The following SCAPER variants were observed in gnomAD, a reference collection of about 807,000 sequenced individuals.
SCAPER encodes S phase cyclin A-associated protein in the endoplasmic reticulum.
Under a neutral mutation model 182.2 loss-of-function variants are expected in SCAPER, and 98 were observed. That is an observed-to-expected ratio of 0.54 (90% CI 0.46 to 0.64). The LOEUF (loss-of-function observed/expected upper bound fraction) is 0.64, where lower values mean the gene tolerates loss of function less well. SCAPER is among the 30% of genes least tolerant of loss of function. SCAPER has a pLI of 0.00. For missense variants in SCAPER, 1,432 were observed against 1,690.0 expected (o/e 0.85, Z 2.68); for synonymous variants, 605 against 564.6 (o/e 1.07, Z -1.01).
chr15:76,459,276 G>A (rs550669365), intron 25 of SCAPER, among the ~76,000 whole-genome samples: 1 of 152,214 alleles, frequency 6.6e-6, no homozygotes, highest in African/African-American at 2.4e-5. Flanking sequence ...TTGACGTAAC[G>A]ACTTCCAGTT....
At chr15:76,833,252 C>G (rs547821883) in intron 5 of SCAPER, among the ~76,000 whole-genome samples, 1 of 152,188 alleles carries the variant, frequency 6.6e-6, no homozygotes, top group South Asian at 2.1e-4. Context: ...AAATTCCAAC[C>G]AAGAATTTCA....
At chr15:76,678,359 A>G (rs111467851) in intron 20 of SCAPER, among the ~76,000 whole-genome samples, 1,959 of 152,258 alleles carry the variant, frequency 0.013, 17 homozygotes, top group African/African-American at 0.016. Flanking sequence ...CTCAGCCTAC[A>G]TTTTATCAAC....
At chr15:76,459,917 C>T (rs918816871) in intron 25 of SCAPER, among the ~76,000 whole-genome samples, 3 of 152,046 alleles carry the variant, frequency 2.0e-5, no homozygotes, top group Non-Finnish European at 2.9e-5. Flanking sequence ...GCACCACTTA[C>T]TAAAGAGGGT....
intron 21 of SCAPER, among the ~76,000 whole-genome samples, chr15:76,641,879 CTT>C (rs547563375): frequency 2.1e-3 from 317 of 152,256 alleles, no homozygotes; most frequent in African/African-American, 7.5e-3. Flanking sequence ...TTTTAAATGA[CTT>C]TGTCTAAATG....
intron 25 of SCAPER, among the ~76,000 whole-genome samples, chr15:76,438,279 C>CAAAAAA (rs372587932): frequency 9.0e-6 from 1 of 111,008 alleles, no homozygotes; most frequent in Non-Finnish European, 1.8e-5. Flanking sequence ...GAGACTGTCT[C>CAAAAAA]AAAAAAAAAA....
At chr15:76,794,435 G>T (rs2065192497) in intron 8 of SCAPER, among the ~76,000 whole-genome samples, 1 of 152,034 alleles carries the variant, frequency 6.6e-6, no homozygotes, top group Non-Finnish European at 1.5e-5. Context: ...ACAGTCAATT[G>T]TCTACTACTA....
In SCAPER at chr15:76,500,631, G is replaced by A. The variant is rs532048336; in HGVS notation, c.2954+4228C>T. Among the ~76,000 whole-genome samples the A allele has an allele frequency of 9.9e-4, 150 of 152,194 alleles. 1 individual carries two copies. Among genetic ancestry groups the A allele is most frequent in the African/African-American group, 3.5e-3 (145 of 41,516 alleles). On this transcript the variant is annotated intron_variant, in intron 24 of 31. Transcript: ENST00000563290. ...ACAGCAGATTCATCTTCTTATTTAC[G>A]TAACATGGGCCATTCTTTATGCTCA...
intron 23 of SCAPER, among the ~76,000 whole-genome samples, chr15:76,544,172 T>C (rs1359139982): frequency 6.6e-6 from 1 of 152,040 alleles, no homozygotes; most frequent in African/African-American, 2.4e-5. Flanking sequence ...AAAAAGACAA[T>C]AACAAGGACG....
chr15:76,588,943 T>G (rs559237855), intron 22 of SCAPER, among the ~76,000 whole-genome samples: 32 of 152,280 alleles, frequency 2.1e-4, no homozygotes, highest in Admixed American at 2.1e-3. Flanking sequence ...GTTCCCTTGA[T>G]GTAGTACTCT....
chr15:76,356,268 T>C (rs138291005), intron 29 of SCAPER, among the ~76,000 whole-genome samples: 111 of 152,244 alleles, frequency 7.3e-4, no homozygotes, highest in African/African-American at 2.4e-3. Flanking sequence ...GTCAGCTGAA[T>C]TGGACTAAGC....
chr15:76,545,240 A>T lies in SCAPER; in HGVS notation c.2838+28918T>A, dbSNP rs190173827. On this transcript the variant is annotated intron_variant, in intron 23 of 31. Coordinates refer to ENST00000563290, the MANE Select transcript of SCAPER (RefSeq NM_020843.4). ...TGTGGGCAATGGCAACAACCTCTTT[A>T]GGGTAGTTCTTGTGTTCTTTTGACA... 1.0e-3 allele frequency among the ~76,000 whole-genome samples: 152 copies of T among 152,226 alleles called. 2 individuals carry two copies. Among genetic ancestry groups the T allele is most frequent in the African/African-American group, 3.6e-3 (149 of 41,540 alleles).
At chr15:76,674,131 C>G (rs1324218611) in intron 20 of SCAPER, among the ~76,000 whole-genome samples, 1 of 152,030 alleles carries the variant, frequency 6.6e-6, no homozygotes, top group Non-Finnish European at 1.5e-5. Context: ...GGAACCATTT[C>G]TTTATAAATG....
intron 5 of SCAPER, among the ~76,000 whole-genome samples, chr15:76,808,767 G>C (rs1452860357): frequency 2.0e-5 from 3 of 152,164 alleles, no homozygotes; most frequent in Admixed American, 2.0e-4. Flanking sequence ...CTATCTCCAA[G>C]AGCATATAGA....
At chr15:76,864,217 G>A (rs987054470) in intron 2 of SCAPER, among the ~76,000 whole-genome samples, 1 of 152,064 alleles carries the variant, frequency 6.6e-6, no homozygotes, top group East Asian at 1.9e-4. Flanking sequence ...CTAAGCCACG[G>A]GGCTCATTTT....
At chr15:76,636,346 A>G (rs760133758) in intron 21 of SCAPER, among the ~76,000 whole-genome samples, 2 of 152,002 alleles carry the variant, frequency 1.3e-5, no homozygotes, top group African/African-American at 2.4e-5. Context: ...CTTATTCCCT[A>G]GAGATCTCTA....
chr15:76,428,773 A>G (rs2046617355), intron 26 of SCAPER, among the ~76,000 whole-genome samples: 1 of 150,614 alleles, frequency 6.6e-6, no homozygotes, highest in Non-Finnish European at 1.5e-5. Context: ...TATATTACAA[A>G]ATCCCTAGAA....
intron 27 of SCAPER, among the ~76,000 whole-genome samples, chr15:76,388,943 G>C (rs765374033): frequency 1.4e-5 from 2 of 147,760 alleles, no homozygotes; most frequent in Admixed American, 6.8e-5. Flanking sequence ...CCTGGCGACA[G>C]AGTGAGACTC....
chr15:76,669,653 T>C (rs959507186), intron 20 of SCAPER, among the ~76,000 whole-genome samples: 2 of 152,210 alleles, frequency 1.3e-5, no homozygotes, highest in Non-Finnish European at 2.9e-5. Flanking sequence ...CAAACACAGA[T>C]GTTTACTGAT....
intron 5 of SCAPER, among the ~76,000 whole-genome samples, chr15:76,835,988 C>T (rs2068918721): frequency 6.8e-6 from 1 of 146,490 alleles, no homozygotes; most frequent in Admixed American, 6.8e-5. Flanking sequence ...AGGTGAAAGA[C>T]CCCTACAATG....
Sources: gnomAD v4.1 joint callset for allele counts (sites outside exome capture counted in the v4.1 genomes callset) on GRCh38, gnomAD v4.1.1 for gene constraint, MANE v1.5 for transcripts, NCBI Gene and HGNC (gene_info 2026-07-23, HGNC 2026-07-21) for gene names.